The following HS3ST3B1 variants were observed in gnomAD, a reference collection of about 807,000 sequenced individuals.
The protein encoded by HS3ST3B1 is heparan sulfate glucosamine 3-O-sulfotransferase 3B1.
A neutral mutation model predicts 21.3 loss-of-function variants in HS3ST3B1; 13 were observed. The observed-to-expected ratio is 0.61, with a 90% confidence interval of 0.40 to 0.97. The LOEUF is 0.97. Among genes scored for constraint, HS3ST3B1 ranks in the 50% least tolerant of loss-of-function variants. The pLI, the probability that HS3ST3B1 is intolerant of heterozygous loss-of-function variation, is 0.00. For synonymous variants in HS3ST3B1, 234 were observed against 254.8 expected (o/e 0.92, Z 0.78); for missense variants, 459 against 554.8 (o/e 0.83, Z 1.73).
At chr17:14,309,187 C>T in intron 1 of HS3ST3B1, among the ~76,000 whole-genome samples, 1 of 152,246 alleles carries the variant, frequency 6.6e-6, no homozygotes, top group Admixed American at 6.5e-5. Flanking sequence ...GGGAAAATGG[C>T]TCCGAGCCAC....
At position 14,345,723 on chromosome 17, in the gene HS3ST3B1, T is replaced by C; in HGVS notation, c.*77T>C. On this transcript the variant is annotated 3_prime_UTR_variant, in exon 2 of 2. Transcript: ENST00000360954. ...TATATGTATGTAAAATGTACAGAAA[T>C]CTATTTTATAATAATTTATTTTTAA... 2 of 1,491,894 alleles carry C rather than the reference T, an allele frequency of 1.3e-6. No individual in the cohort carries two copies. The highest frequency in any genetic ancestry group is 1.8e-6 in the Non-Finnish European group (2 of 1,114,198). The allele number at this position is 1,491,894 out of a possible 1,614,324, so 92.4% of individuals were successfully genotyped here. A position where few individuals can be genotyped will look rare whatever the true frequency, so the allele number is the denominator to read the frequency against.
At chr17:14,313,313 C>A (rs1020298264) in intron 1 of HS3ST3B1, among the ~76,000 whole-genome samples, 1 of 151,570 alleles carries the variant, frequency 6.6e-6, no homozygotes, top group South Asian at 2.1e-4. Flanking sequence ...CAACTTTATG[C>A]GCTCCACTGA....
At chr17:14,311,326 T>C (rs150241603) in intron 1 of HS3ST3B1, among the ~76,000 whole-genome samples, 55 of 151,730 alleles carry the variant, frequency 3.6e-4, no homozygotes, top group African/African-American at 1.3e-3. Flanking sequence ...CAGGTCGTCC[T>C]CCTCAACCTC....
intron 1 of HS3ST3B1, among the ~76,000 whole-genome samples, chr17:14,306,768 C>T (rs971539216): frequency 2.6e-5 from 4 of 152,044 alleles, no homozygotes; most frequent in African/African-American, 7.2e-5. Context: ...AGGAATTACA[C>T]TCTCTTAGTC....
chr17:14,345,221 A>G lies in HS3ST3B1; in HGVS notation c.748A>G (p.Thr250Ala), dbSNP rs1248732300. Residue 250 changes from threonine to alanine, a missense_variant, in exon 2 of 2, where the codon ACC (threonine) becomes GCC (alanine). Thr to Ala is a moderately conservative substitution (Grantham distance 58). This residue lies in a region of HS3ST3B1 where 127 missense variants were observed against 209.9 expected (regional missense o/e 0.60). Coordinates refer to ENST00000360954, the MANE Select transcript of HS3ST3B1 (RefSeq NM_006041.3). ...QTLSKRPDIP[T>A]FESLTFKNRT... ...GCTGTCCAAGCGGCCCGACATCCCC[A>G]CCTTCGAGAGCTTGACGTTCAAAAA... 3 of 1,417,694 alleles carry G rather than the reference A, an allele frequency of 2.1e-6. No individual in the cohort carries two copies. The South Asian group carries it at 3.7e-5, about 18-fold the overall frequency. 87.8% of individuals were successfully genotyped at this position (1,417,694 alleles called of 1,614,324 possible). A position where few individuals can be genotyped will look rare whatever the true frequency, so the allele number is the denominator to read the frequency against.
At chr17:14,322,975 G>A (rs1187526665) in intron 1 of HS3ST3B1, among the ~76,000 whole-genome samples, 1 of 148,244 alleles carries the variant, frequency 6.7e-6, no homozygotes, top group African/African-American at 2.5e-5. Context: ...GCGCAATTTC[G>A]GCTCACTGCA....
chr17:14,327,740 C>G (rs1315843516), intron 1 of HS3ST3B1: 1 of 152,144 alleles, frequency 6.6e-6, no homozygotes, highest in Non-Finnish European at 1.5e-5. Context: ...GATTCATTTT[C>G]TTTCATTCAT....
chr17:14,336,627 T>C (rs764768005), intron 1 of HS3ST3B1, among the ~76,000 whole-genome samples: 1 of 152,154 alleles, frequency 6.6e-6, no homozygotes, highest in Non-Finnish European at 1.5e-5. Flanking sequence ...TCTTCTCAGC[T>C]GACCACTCTA....
chr17:14,329,889 G>A (rs1056581146), intron 1 of HS3ST3B1, among the ~76,000 whole-genome samples: 1 of 152,238 alleles, frequency 6.6e-6, no homozygotes, highest in Non-Finnish European at 1.5e-5. Flanking sequence ...GACATAAAGA[G>A]GGGGCACAAG....
At chr17:14,309,473 T>A (rs984885088) in intron 1 of HS3ST3B1, among the ~76,000 whole-genome samples, 1 of 152,116 alleles carries the variant, frequency 6.6e-6, no homozygotes, top group African/African-American at 2.4e-5. Flanking sequence ...GTCTTCGCGC[T>A]GATTGGGTGG....
intron 1 of HS3ST3B1, among the ~76,000 whole-genome samples, chr17:14,335,993 G>A (rs958071015): frequency 8.5e-5 from 13 of 152,154 alleles, no homozygotes; most frequent in Admixed American, 3.3e-4. Flanking sequence ...TTTAAAAAAC[G>A]AGAAAGAGTC....
Position 14,345,367 on chromosome 17 carries a change from G to A in HS3ST3B1, c.894G>A (p.Glu298=). Reference sequence around the variant, plus strand: ...GCCAGATGCTCTTCGTGAGCGGCGAGCGGCTCATCAGCGACCCGGCCGGGG... The same window carrying A: ...GCCAGATGCTCTTCGTGAGCGGCGAACGGCTCATCAGCGACCCGGCCGGGG... ...PIRQMLFVSG[E]RLISDPAGEL... The change falls in exon 2 of 2, where the codon GAG becomes GAA. Residue 298 remains glutamate (E), a synonymous_variant. Transcript: ENST00000360954. The A allele has an allele frequency of 8.9e-7, 1 of 1,123,988 alleles. No homozygotes were observed. The highest frequency in any genetic ancestry group is 2.6e-5 in the East Asian group (1 of 38,796). The allele number at this position is 1,123,988 out of a possible 1,614,324, so 69.6% of individuals were successfully genotyped here. A position where few individuals can be genotyped will look rare whatever the true frequency, so the allele number is the denominator to read the frequency against.
chr17:14,328,160 A>G (rs1909874616), intron 1 of HS3ST3B1: 1 of 152,222 alleles, frequency 6.6e-6, no homozygotes, highest in South Asian at 2.1e-4. Context: ...ATCATCTATC[A>G]AAAAGTTCTC....
chr17:14,346,653 C>CATA lies in HS3ST3B1; in HGVS notation c.*1007_*1008insATA, dbSNP rs1910591414. 2 of 152,202 alleles carry CATA rather than the reference C, an allele frequency of 1.3e-5. No homozygotes were observed. Among genetic ancestry groups the CATA allele is most frequent in the South Asian group, 4.1e-4 (2 of 4,828 alleles). The allele number at this position is 152,202 out of a possible 1,614,324, so 9.4% of individuals were successfully genotyped here. A position where few individuals can be genotyped will look rare whatever the true frequency, so the allele number is the denominator to read the frequency against. On this transcript the variant is annotated 3_prime_UTR_variant, in exon 2 of 2. Transcript: ENST00000360954. The stretch of plus-strand genomic sequence containing the variant: ...TCTGCCCCATTCCCTGGTTCATTAA[C>CATA]CAGTTTGAAGTGTATGTAGATTGTT...
chr17:14,342,004 T>C (rs1597603828), intron 1 of HS3ST3B1, among the ~76,000 whole-genome samples: 1 of 152,224 alleles, frequency 6.6e-6, no homozygotes, highest in East Asian at 1.9e-4. Flanking sequence ...CTGACTCCAG[T>C]GCTGCTGAGG....
intron 1 of HS3ST3B1, among the ~76,000 whole-genome samples, chr17:14,315,290 T>C (rs1909462484): frequency 6.6e-6 from 1 of 152,192 alleles, no homozygotes; most frequent in Admixed American, 6.5e-5. Flanking sequence ...CAATATGTTG[T>C]CCTATTGCAT....
chr17:14,327,401 G>T (rs931635970), intron 1 of HS3ST3B1: 1 of 152,334 alleles, frequency 6.6e-6, no homozygotes, highest in East Asian at 1.9e-4. Flanking sequence ...TTCAATGGGG[G>T]GAGATGGGCT....
intron 1 of HS3ST3B1, among the ~76,000 whole-genome samples, chr17:14,324,853 A>G (rs1344538736): frequency 2.0e-5 from 3 of 152,200 alleles, no homozygotes; most frequent in East Asian, 1.9e-4. Flanking sequence ...GGCTCAAGCA[A>G]TCCTCCCATC....
intron 1 of HS3ST3B1, among the ~76,000 whole-genome samples, chr17:14,340,909 G>T (rs1443887436): frequency 6.6e-6 from 1 of 152,074 alleles, no homozygotes; most frequent in Non-Finnish European, 1.5e-5. Flanking sequence ...GGCATCTTGG[G>T]AGATGCCAAG....
Sources: allele counts gnomAD v4.1 joint callset (sites outside exome capture counted in the v4.1 genomes callset), GRCh38; gene constraint gnomAD v4.1.1; regional missense constraint gnomAD v4.1.1; transcripts MANE v1.5; gene names NCBI Gene and HGNC (gene_info 2026-07-23, HGNC 2026-07-21).